Variants in SH3PXD2A observed in about 807,000 individuals in gnomAD.
SH3PXD2A encodes the protein SH3 and PX domains 2A.
Under a neutral mutation model 115.2 loss-of-function variants are expected in SH3PXD2A, and 32 were observed. The observed-to-expected ratio is 0.28, with a 90% confidence interval of 0.21 to 0.37. The LOEUF (loss-of-function observed/expected upper bound fraction) is 0.37. SH3PXD2A is among the 10% of genes least tolerant of loss of function. The pLI is 1.00. For missense variants in SH3PXD2A, 1,328 were observed against 1,498.7 expected (o/e 0.89, Z 1.88); for synonymous variants, 610 against 629.1 (o/e 0.97, Z 0.45).
chr10:103,693,833 G>C (rs1362139065), intron 5 of SH3PXD2A, among the ~76,000 whole-genome samples: 1 of 152,192 alleles, frequency 6.6e-6, no homozygotes, highest in Non-Finnish European at 1.5e-5. Flanking sequence ...GGAACGGTAG[G>C]AACGGAAGTG....
intron 11 of SH3PXD2A, among the ~76,000 whole-genome samples, chr10:103,614,265 A>C (rs1035363455): frequency 6.6e-5 from 10 of 152,054 alleles, no homozygotes; most frequent in African/African-American, 2.4e-4. Context: ...CAAAAATGTA[A>C]AAAGTGATTT....
chr10:103,770,356 C>T (rs141627601), intron 2 of SH3PXD2A, among the ~76,000 whole-genome samples: 172 of 145,922 alleles, frequency 1.2e-3, no homozygotes, highest in African/African-American at 4.4e-3. Context: ...CAGGTGTGTG[C>T]CACAATGCCC....
chr10:103,602,497 T>C lies in SH3PXD2A; in HGVS notation c.2721A>G (p.Lys907=). ...DENEQPDPSG[K]ELDTVPAKGR... ...CCTTGGCGGGCACTGTGTCCAGCTC[T>C]TTGCCAGAGGGGTCAGGTTGCTCGT... Residue 907 remains lysine, a synonymous_variant, in exon 15 of 15, where the codon AAA becomes AAG. Coordinates refer to ENST00000369774, the MANE Select transcript of SH3PXD2A (RefSeq NM_001394015.1). 1 of 1,614,164 alleles carries C rather than the reference T, an allele frequency of 6.2e-7. No homozygotes were observed. The highest frequency in any genetic ancestry group is 8.5e-7 in the Non-Finnish European group (1 of 1,180,020).
At chr10:103,730,287 AT>A (rs200966907) in intron 4 of SH3PXD2A, among the ~76,000 whole-genome samples, 2 of 83,420 alleles carry the variant, frequency 2.4e-5, no homozygotes, top group Non-Finnish European at 4.9e-5. Context: ...TTGTTTTTTA[AT>A]TTTTTTAAAG....
In SH3PXD2A at chr10:103,594,113, C is replaced by A. The variant is rs991912990; in HGVS notation, c.*7703G>T. The A allele has an allele frequency of 3.3e-5, 5 of 152,586 alleles. No homozygotes were observed. Among genetic ancestry groups the A allele is most frequent in the Non-Finnish European group, 5.9e-5 (4 of 68,042 alleles). 9.5% of individuals were successfully genotyped at this position (152,586 alleles called of 1,614,324 possible). ...ATAAAATACAAAACAAAACCCAAAT[C>A]TTACAGTCTAGAAGCATGCCAAGAC... is the stretch of plus-strand genomic sequence containing the variant. On this transcript the variant is annotated 3_prime_UTR_variant, in exon 15 of 15. Transcript: ENST00000369774.
chr10:103,800,663 G>C (rs893094625), intron 2 of SH3PXD2A, among the ~76,000 whole-genome samples: 4 of 152,158 alleles, frequency 2.6e-5, no homozygotes, highest in African/African-American at 9.7e-5. Context: ...ACCCAAAGAG[G>C]CCTGACTAAC....
chr10:103,605,956 A>C (rs745947443), intron 13 of SH3PXD2A, 39 bp from the exon 14 acceptor site: 1 of 1,607,498 alleles, frequency 6.2e-7, no homozygotes, highest in Non-Finnish European at 8.5e-7. Context: ...AACCCGCCTA[A>C]ATCAGAAGAG....
chr10:103,612,140 CACAA>C (rs2036437849), intron 12 of SH3PXD2A, among the ~76,000 whole-genome samples: 1 of 152,218 alleles, frequency 6.6e-6, no homozygotes, highest in South Asian at 2.1e-4. Flanking sequence ...AATGGCTGGA[CACAA>C]ACAAAAGCTA....
chr10:103,767,036 G>A lies in SH3PXD2A; in HGVS notation c.229+58C>T, dbSNP rs139112410. ...GCTTAGTACTCTTCTCGGCCTAAGG[G>A]AAGGACTGGTCCTTCCCGGGTATCC... On this transcript the variant is annotated intron_variant, in intron 3 of 14. Coordinates refer to ENST00000369774, the MANE Select transcript of SH3PXD2A (RefSeq NM_001394015.1). 8.0e-5 allele frequency: 107 copies of A among 1,337,288 alleles called. 1 individual carries two copies. The African/African-American group carries it at 1.4e-3, about 18-fold the overall frequency. 82.8% of individuals were successfully genotyped at this position (1,337,288 alleles called of 1,614,324 possible).
chr10:103,688,498 A>G (rs1160036540), intron 6 of SH3PXD2A, among the ~76,000 whole-genome samples: 1 of 152,246 alleles, frequency 6.6e-6, no homozygotes, highest in Non-Finnish European at 1.5e-5. Context: ...GAGGCTGGAC[A>G]GTGCAGGATC....
chr10:103,807,140 A>C (rs2039212989), intron 1 of SH3PXD2A, among the ~76,000 whole-genome samples: 1 of 152,220 alleles, frequency 6.6e-6, no homozygotes, highest in South Asian at 2.1e-4. Flanking sequence ...GCTCCAGAGC[A>C]CTGAGAATGA....
chr10:103,786,713 G>C (rs899430289), intron 2 of SH3PXD2A, among the ~76,000 whole-genome samples: 13 of 152,230 alleles, frequency 8.5e-5, no homozygotes, highest in African/African-American at 3.1e-4. Context: ...GGAGAGTGGT[G>C]GTGCCTACAT....
chr10:103,654,095 C>G (rs1366638417), intron 8 of SH3PXD2A, among the ~76,000 whole-genome samples: 1 of 152,116 alleles, frequency 6.6e-6, no homozygotes, highest in Non-Finnish European at 1.5e-5. Flanking sequence ...GTCTTCACCC[C>G]TGACACTTCA....
chr10:103,642,626 C>T (rs1486957609), intron 8 of SH3PXD2A, among the ~76,000 whole-genome samples: 2 of 151,922 alleles, frequency 1.3e-5, no homozygotes, highest in African/African-American at 4.8e-5. Flanking sequence ...TATGAAACAG[C>T]ATGTATTTAC....
intron 10 of SH3PXD2A, among the ~76,000 whole-genome samples, chr10:103,619,669 T>C (rs977803097): frequency 1.3e-5 from 2 of 152,068 alleles, no homozygotes; most frequent in Non-Finnish European, 2.9e-5. Context: ...CCGTGGGCCA[T>C]GTAAGCTCAG....
chr10:103,711,196 A>G (rs370762387), intron 5 of SH3PXD2A, among the ~76,000 whole-genome samples: 4 of 152,320 alleles, frequency 2.6e-5, no homozygotes, highest in African/African-American at 9.6e-5. Flanking sequence ...TGATTATAAA[A>G]AGCCAAGCTG....
At chr10:103,808,985 C>T (rs1448871981) in intron 1 of SH3PXD2A, among the ~76,000 whole-genome samples, 1 of 152,198 alleles carries the variant, frequency 6.6e-6, no homozygotes, top group African/African-American at 2.4e-5. Flanking sequence ...TCCCTGGTGG[C>T]CTAGGAGCAG....
chr10:103,675,292 A>C (rs1011655760), intron 6 of SH3PXD2A, among the ~76,000 whole-genome samples: 1 of 152,192 alleles, frequency 6.6e-6, no homozygotes, highest in African/African-American at 2.4e-5. Context: ...GAGAGTCTTC[A>C]TTTTCATTTT....
rs1589465755 is a variant in SH3PXD2A at position 103,812,120 on chromosome 10, G to A, written c.73-10758C>T. Among the ~76,000 whole-genome samples, 3 of 152,246 alleles carry A rather than the reference G, an allele frequency of 2.0e-5. No individual in the cohort carries two copies. In the South Asian group the frequency reaches 6.2e-4, roughly 32 times the overall value. On this transcript the variant is annotated intron_variant, in intron 1 of 14. Coordinates refer to ENST00000369774, the MANE Select transcript of SH3PXD2A (RefSeq NM_001394015.1). The stretch of plus-strand genomic sequence containing the variant: ...TGTCACCACTGGGACATTCTCCAGA[G>A]TACCTGAGAGCATGCGGTTGGACCT...
Sources: allele counts gnomAD v4.1 joint callset (sites outside exome capture counted in the v4.1 genomes callset), GRCh38; gene constraint gnomAD v4.1.1; transcripts MANE v1.5; gene names NCBI Gene and HGNC (gene_info 2026-07-23, HGNC 2026-07-21).